OSBPL8: variants seen among roughly 807,000 people sequenced by gnomAD.
OSBPL8 encodes the protein oxysterol-binding protein-related protein 8.
In OSBPL8, 59 loss-of-function variants were observed where a neutral mutation model predicts 125.5. The ratio of observed to expected loss-of-function variants is 0.47; its 90% confidence interval spans 0.38 to 0.58. The LOEUF is 0.58. OSBPL8 is among the 20% of genes least tolerant of loss of function. The probability of loss-of-function intolerance (pLI) is 0.00; values close to 1 mark genes in which losing one functional copy is unlikely to be tolerated. For synonymous variants in OSBPL8, 330 were observed against 338.9 expected (o/e 0.97, Z 0.29); for missense variants, 758 against 1,047.8 (o/e 0.72, Z 3.82).
chr12:76,512,685 A>G (rs1005282628), intron 1 of OSBPL8, among the ~76,000 whole-genome samples: 1 of 152,172 alleles, frequency 6.6e-6, no homozygotes, highest in Non-Finnish European at 1.5e-5. Flanking sequence ...TTGGTTCCAC[A>G]TGAATTTTAA....
rs1483297202 is a variant in OSBPL8, at chr12:76,408,489, TA to T, written c.288+2074del. On this transcript the variant is annotated intron_variant, in intron 5 of 23. Transcript: ENST00000261183. ...AAAAAAAAAAAAAAAAAAAAGTAGC[TA>T]TTAATATCATTGTAACTAGCAGCTA... Among the ~76,000 whole-genome samples the T allele has an allele frequency of 4.8e-4, 70 of 146,804 alleles. No individual in the cohort carries two copies. The Middle Eastern group carries it at 0.014, about 30-fold the overall frequency.
intron 2 of OSBPL8, among the ~76,000 whole-genome samples, chr12:76,469,658 T>TC (rs1875884338): frequency 1.3e-5 from 2 of 152,152 alleles, no homozygotes; most frequent in Admixed American, 6.6e-5. Flanking sequence ...TCCATAATAT[T>TC]CCCAAAACAG....
At chr12:76,376,764 C>T (rs964729075) in intron 16 of OSBPL8, among the ~76,000 whole-genome samples, 8 of 152,040 alleles carry the variant, frequency 5.3e-5, no homozygotes, top group African/African-American at 9.7e-5. Flanking sequence ...GGTTGGCCTT[C>T]GATAAGATTC....
intron 1 of OSBPL8, among the ~76,000 whole-genome samples, chr12:76,511,539 T>C (rs937442413): frequency 6.6e-6 from 1 of 152,234 alleles, no homozygotes; most frequent in Non-Finnish European, 1.5e-5. Context: ...TCGAAAAGTG[T>C]CTGTTCATGT....
Position 76,369,793 on chromosome 12 carries a change from T to C in OSBPL8, c.2084A>G (p.Asn695Ser), listed in dbSNP as rs779534668. 1 of 1,613,392 alleles carries C rather than the reference T, an allele frequency of 6.2e-7. No individual in the cohort carries two copies. ...KLWQRVTRAI[N>S]AKDQTEATQE... Reference sequence around the variant, plus strand: ...GGTAGCTTCAGTTTGGTCTTTGGCATTTATGGCTCGAGTTACCCGTTGCCA... The same window carrying C: ...GGTAGCTTCAGTTTGGTCTTTGGCACTTATGGCTCGAGTTACCCGTTGCCA... Residue 695 changes from asparagine to serine, a missense_variant, in exon 20 of 24, where the codon AAT (asparagine) becomes AGT (serine). By Grantham distance (46) the Asn-to-Ser change is conservative. Transcript: ENST00000261183.
intron 1 of OSBPL8, among the ~76,000 whole-genome samples, chr12:76,539,106 T>C (rs1270300923): frequency 6.7e-6 from 1 of 149,124 alleles, no homozygotes; most frequent in Non-Finnish European, 1.5e-5. Flanking sequence ...GTAGGAAGTA[T>C]ATTTTGAACC....
intron 4 of OSBPL8, among the ~76,000 whole-genome samples, chr12:76,419,807 C>T (rs946466847): frequency 3.3e-5 from 5 of 152,130 alleles, no homozygotes; most frequent in African/African-American, 1.2e-4. Flanking sequence ...TGGAAGTAGT[C>T]ACAGACTCAT....
At chr12:76,472,479 C>T (rs1042215429) in intron 2 of OSBPL8, among the ~76,000 whole-genome samples, 8 of 152,170 alleles carry the variant, frequency 5.3e-5, no homozygotes, top group Admixed American at 3.3e-4. Context: ...CAGCTGGGCC[C>T]GGGGGACCAC....
chr12:76,380,121 A>G (rs1952981167), intron 15 of OSBPL8, among the ~76,000 whole-genome samples: 1 of 152,088 alleles, frequency 6.6e-6, no homozygotes, highest in Non-Finnish European at 1.5e-5. Context: ...TGGGTCCTTG[A>G]CTTTTCAACG....
At chr12:76,373,674 A>G (rs1307754617) in intron 17 of OSBPL8, among the ~76,000 whole-genome samples, 2 of 152,130 alleles carry the variant, frequency 1.3e-5, no homozygotes, top group Non-Finnish European at 2.9e-5. Flanking sequence ...AAACATATTA[A>G]GAAAGATCAC....
intron 16 of OSBPL8, 65 bp downstream of exon 16, chr12:76,378,387 C>G: frequency 2.7e-6 from 3 of 1,110,974 alleles, no homozygotes; most frequent in Non-Finnish European, 3.9e-6. Flanking sequence ...CATAACAAAT[C>G]ACAGCTACAT....
chr12:76,419,738 AT>A (rs1482769171), intron 4 of OSBPL8, among the ~76,000 whole-genome samples: 1 of 152,224 alleles, frequency 6.6e-6, no homozygotes, highest in East Asian at 1.9e-4. Context: ...ACAAAAACTA[AT>A]GACATTCAAA....
intron 15 of OSBPL8, among the ~76,000 whole-genome samples, chr12:76,382,670 G>A (rs1175383771): frequency 6.6e-6 from 1 of 152,116 alleles, no homozygotes; most frequent in Non-Finnish European, 1.5e-5. Flanking sequence ...ATCACTTGAG[G>A]TCAGGAGTTC....
At chr12:76,503,607 C>T (rs1031344870) in intron 1 of OSBPL8, among the ~76,000 whole-genome samples, 23 of 152,166 alleles carry the variant, frequency 1.5e-4, no homozygotes, top group South Asian at 4.1e-4. Context: ...GGCGCGATCT[C>T]GGCTCACTGC....
intron 21 of OSBPL8, among the ~76,000 whole-genome samples, chr12:76,360,905 A>G (rs1283391047): frequency 6.6e-6 from 1 of 152,066 alleles, no homozygotes; most frequent in African/African-American, 2.4e-5. Flanking sequence ...AGCCCATGAA[A>G]CCATTTTTTC....
intron 17 of OSBPL8, among the ~76,000 whole-genome samples, chr12:76,373,658 C>A (rs1456724866): frequency 1.3e-5 from 2 of 151,908 alleles, no homozygotes; most frequent in African/African-American, 4.8e-5. Context: ...TATATTAAAT[C>A]AAAATAAACA....
At chr12:76,492,933 G>T (rs1044725285) in intron 1 of OSBPL8, among the ~76,000 whole-genome samples, 12 of 149,836 alleles carry the variant, frequency 8.0e-5, no homozygotes, top group Non-Finnish European at 1.6e-4. Flanking sequence ...GATATATATA[G>T]ATATTTTTTT....
intron 4 of OSBPL8, among the ~76,000 whole-genome samples, chr12:76,444,287 A>G (rs1872526735): frequency 6.6e-6 from 1 of 152,218 alleles, no homozygotes; most frequent in South Asian, 2.1e-4. Context: ...CTCTCTTTAC[A>G]ACACTGCTTG....
At chr12:76,550,210 A>C (rs74105519) in intron 1 of OSBPL8, among the ~76,000 whole-genome samples, 7,023 of 152,228 alleles carry the variant, frequency 0.046, 589 homozygotes, top group African/African-American at 0.16. Flanking sequence ...TTTTAATTCC[A>C]AAGTTAGATT....
Sources: allele counts gnomAD v4.1 joint callset (sites outside exome capture counted in the v4.1 genomes callset), GRCh38; gene constraint gnomAD v4.1.1; transcripts MANE v1.5; gene names NCBI Gene and HGNC (gene_info 2026-07-23, HGNC 2026-07-21).